GPHN: variants seen among roughly 807,000 people sequenced by gnomAD.
The protein encoded by GPHN is gephyrin.
A neutral mutation model predicts 95.5 loss-of-function variants in GPHN; 17 were observed. That is an observed-to-expected ratio of 0.18 (90% CI 0.12 to 0.27). GPHN has a LOEUF of 0.27. Ranked by LOEUF, GPHN falls within the 10% of genes least tolerant of loss-of-function variation. GPHN has a pLI of 1.00. For synonymous variants in GPHN, 320 were observed against 322.5 expected, an observed-to-expected ratio of 0.99 and a Z score of 0.08; for missense variants, 660 against 978.1, an observed-to-expected ratio of 0.67 and a Z score of 4.34.
chr14:67,509,969 C>T, the GPHN span, among the ~76,000 whole-genome samples: 8 of 152,100 alleles, frequency 5.3e-5, no homozygotes, highest in East Asian at 1.5e-3. Flanking sequence ...ATGATTGTGC[C>T]ACTGCACTAA....
At chr14:67,475,002 G>A in the GPHN span, among the ~76,000 whole-genome samples, 10 of 140,066 alleles carry the variant, frequency 7.1e-5, no homozygotes, top group South Asian at 6.8e-4. Flanking sequence ...TGCAACCTCC[G>A]CCTCCTGGGT....
At chr14:66,925,855 A>G (rs940854934) in intron 8 of GPHN, among the ~76,000 whole-genome samples, 3 of 152,196 alleles carry the variant, frequency 2.0e-5, no homozygotes, top group Non-Finnish European at 2.9e-5. Flanking sequence ...ATGCCAATTT[A>G]CATTCCCACC....
the GPHN span, chr14:67,650,665 G>C: frequency 6.4e-7 from 1 of 1,562,390 alleles, no homozygotes; most frequent in Non-Finnish European, 8.8e-7. Context: ...GACCCTCACT[G>C]AGAGTAGCAG....
At chr14:67,132,902 G>A (rs2079812689) in intron 17 of GPHN, among the ~76,000 whole-genome samples, 1 of 150,552 alleles carries the variant, frequency 6.6e-6, no homozygotes, top group Admixed American at 6.6e-5. Flanking sequence ...TAATGTATTT[G>A]AATTCAACAG....
chr14:66,633,214 ACTT>A (rs1171120387), intron 1 of GPHN, among the ~76,000 whole-genome samples: 1 of 152,110 alleles, frequency 6.6e-6, no homozygotes, highest in East Asian at 1.9e-4. Flanking sequence ...ATTCTCCTAT[ACTT>A]CTTATCTTCT....
the GPHN span, among the ~76,000 whole-genome samples, chr14:67,193,562 T>TAGAAATATAG: frequency 6.9e-6 from 1 of 144,784 alleles, no homozygotes; most frequent in African/African-American, 2.5e-5. Context: ...TATAGATCTA[T>TAGAAATATAG]ATCTATATAG....
chr14:67,244,620 G>A, the GPHN span, among the ~76,000 whole-genome samples: 4 of 152,192 alleles, frequency 2.6e-5, no homozygotes, highest in African/African-American at 9.7e-5. Context: ...GGACATTTGA[G>A]TTGTTTTCAG....
chr14:67,143,333 T>G (rs771900323), intron 17 of GPHN, 29 bp from the exon 18 acceptor site: 2 of 1,424,872 alleles, frequency 1.4e-6, no homozygotes, highest in Non-Finnish European at 9.9e-7. Context: ...TCCTTGTGTG[T>G]TAATTTCTTT....
the GPHN span, chr14:67,395,328 A>T: frequency 1.5e-6 from 2 of 1,365,912 alleles, no homozygotes. Flanking sequence ...GAGCCCCCCC[A>T]AGGGGCAGGG....
At chr14:67,292,565 C>A in the GPHN span, 57,127 of 1,612,732 alleles carry the variant, frequency 0.035, 1,152 homozygotes, top group Admixed American at 0.042. Flanking sequence ...TTGGTAGATT[C>A]TCAGAGCCAG....
Position 66,960,139 on chromosome 14 carries a change from C to A in GPHN, c.829-5052C>A, listed in dbSNP as rs2068796436. Among the ~76,000 whole-genome samples the A allele has an allele frequency of 2.0e-5, 3 of 151,800 alleles. No homozygotes were observed. In the South Asian group the frequency reaches 6.2e-4, roughly 31 times the overall value. On this transcript the variant is annotated intron_variant, in intron 8 of 22. Coordinates refer to ENST00000478722, the MANE Select transcript of GPHN (RefSeq NM_020806.5). ...CAGTTGGTGAGGCATCATTCTTGTTCTTGCCTTTAGTTCTTTGTTTATAGT... is the reference window on the plus strand; with the variant it reads ...CAGTTGGTGAGGCATCATTCTTGTTATTGCCTTTAGTTCTTTGTTTATAGT...
At position 66,592,457 on chromosome 14, in the gene GPHN, G is replaced by GA. The variant is rs34846317; in HGVS notation, c.64+83879dup. On this transcript the variant is annotated intron_variant, in intron 1 of 22. Transcript: ENST00000478722. ...AGAAGAAACTTAAACAAATATACAA[G>GA]AAAAAAAAAAAAACCCCGTCAAGAA... Among the ~76,000 whole-genome samples, 377 of 106,870 alleles carry GA rather than the reference G, an allele frequency of 3.5e-3. 1 individual carries two copies. The highest frequency in any genetic ancestry group is 5.9e-3 in the Admixed American group (62 of 10,512). 70.1% of individuals were successfully genotyped at this position (106,870 alleles called of 152,430 possible).
chr14:67,577,303 T>C, the GPHN span: 1 of 1,560,306 alleles, frequency 6.4e-7, no homozygotes, highest in East Asian at 2.4e-5. Flanking sequence ...TTTGGGCAGA[T>C]TCGCCGCTCT....
At chr14:67,332,013 TCAAA>T in the GPHN span, among the ~76,000 whole-genome samples, 3 of 152,222 alleles carry the variant, frequency 2.0e-5, no homozygotes, top group Admixed American at 2.0e-4. Flanking sequence ...TTACAGAAGT[TCAAA>T]CAGTTGAATG....
At chr14:67,474,089 T>A in the GPHN span, 1 of 899,598 alleles carries the variant, frequency 1.1e-6, no homozygotes, top group Non-Finnish European at 1.6e-6. Flanking sequence ...CCGTCTCTAC[T>A]AAAAATACAA....
the GPHN span, among the ~76,000 whole-genome samples, chr14:67,284,430 A>AAAAAAAAAAAAAAAAAAAAAC: frequency 2.2e-5 from 2 of 91,840 alleles, no homozygotes; most frequent in Non-Finnish European, 3.7e-5. Context: ...CCTATCTCTT[A>AAAAAAAAAAAAAAAAAAAAAC]AAAAAAAAAA....
At chr14:66,813,624 C>A (rs1204845248) in intron 3 of GPHN, among the ~76,000 whole-genome samples, 1 of 152,222 alleles carries the variant, frequency 6.6e-6, no homozygotes, top group Non-Finnish European at 1.5e-5. Flanking sequence ...GGGCAGCAAG[C>A]CAGCTGATGT....
At chr14:66,982,356 G>A (rs553696702) in intron 9 of GPHN, among the ~76,000 whole-genome samples, 93 of 151,758 alleles carry the variant, frequency 6.1e-4, no homozygotes, top group African/African-American at 2.1e-3. Context: ...CCAAATTCTT[G>A]GAAAAAAAAG....
chr14:67,520,123 C>T, the GPHN span, among the ~76,000 whole-genome samples: 5 of 152,176 alleles, frequency 3.3e-5, no homozygotes, highest in Non-Finnish European at 1.5e-5. Flanking sequence ...ATAGACTTCC[C>T]ATTATCAGAA....
Sources: allele counts gnomAD v4.1 joint callset (sites outside exome capture counted in the v4.1 genomes callset), GRCh38; gene constraint gnomAD v4.1.1; transcripts MANE v1.5; gene names NCBI Gene and HGNC (gene_info 2026-07-23, HGNC 2026-07-21).